The following RAP1GAP2 variants were observed in gnomAD, a reference collection of about 807,000 sequenced individuals.
RAP1GAP2 encodes rap1 GTPase-activating protein 2.
Under a neutral mutation model 95.0 loss-of-function variants are expected in RAP1GAP2, and 27 were observed. The ratio of observed to expected loss-of-function variants is 0.28; its 90% CI spans 0.21 to 0.39. RAP1GAP2 has a LOEUF of 0.39. Among genes scored for constraint, RAP1GAP2 ranks in the 10% least tolerant of loss-of-function variants. The pLI, the probability that RAP1GAP2 is intolerant of heterozygous loss-of-function variation, is 1.00. For synonymous variants in RAP1GAP2, 373 were observed against 380.9 expected (o/e 0.98, Z 0.24); for missense variants, 771 against 970.0 (o/e 0.79, Z 2.72).
At chr17:2,833,689 C>CAAAAAAA (rs112909808) in intron 2 of RAP1GAP2, among the ~76,000 whole-genome samples, 42 of 53,564 alleles carry the variant, frequency 7.8e-4, no homozygotes, top group East Asian at 1.3e-3. Flanking sequence ...GACTCCGTCT[C>CAAAAAAA]AAAAAAAAAA....
intron 1 of RAP1GAP2, among the ~76,000 whole-genome samples, chr17:2,758,793 CTGAA>C (rs572664933): frequency 1.2e-4 from 19 of 152,170 alleles, no homozygotes; most frequent in Non-Finnish European, 2.4e-4. Flanking sequence ...TATAGACTCA[CTGAA>C]CTGAAAAAAC....
At chr17:2,993,855 T>C (rs2045863678) in intron 12 of RAP1GAP2, among the ~76,000 whole-genome samples, 1 of 151,418 alleles carries the variant, frequency 6.6e-6, no homozygotes, top group African/African-American at 2.4e-5. Flanking sequence ...GGCAACATGG[T>C]GAGACCCTGT....
At chr17:2,994,331 T>G (rs2151574921) in intron 12 of RAP1GAP2, among the ~76,000 whole-genome samples, 1 of 152,324 alleles carries the variant, frequency 6.6e-6, no homozygotes, top group East Asian at 1.9e-4. Context: ...TTCATTTTCT[T>G]AAAGGAACCT....
intron 17 of RAP1GAP2, among the ~76,000 whole-genome samples, chr17:3,013,721 C>G (rs574551595): frequency 5.9e-4 from 73 of 123,146 alleles, no homozygotes; most frequent in Non-Finnish European, 9.6e-4. Context: ...ATTGTATTTT[C>G]AACCTGGACC....
chr17:2,944,192 CA>C (rs979456068), intron 3 of RAP1GAP2, among the ~76,000 whole-genome samples: 6 of 139,390 alleles, frequency 4.3e-5, no homozygotes, highest in Non-Finnish European at 6.2e-5. Context: ...AACCAAACCA[CA>C]AAAGATAACA....
chr17:3,028,008 G>A (rs1003227222), intron 22 of RAP1GAP2, among the ~76,000 whole-genome samples: 6 of 152,152 alleles, frequency 3.9e-5, no homozygotes, highest in African/African-American at 7.2e-5. Context: ...CGGGTGCTCC[G>A]GGTCTCTGCC....
intron 3 of RAP1GAP2, among the ~76,000 whole-genome samples, chr17:2,910,592 C>T (rs902916579): frequency 6.6e-6 from 1 of 152,138 alleles, no homozygotes; most frequent in Non-Finnish European, 1.5e-5. Flanking sequence ...GGTTGATTAG[C>T]TTGGGAGTCA....
intron 2 of RAP1GAP2, among the ~76,000 whole-genome samples, chr17:2,824,622 C>G (rs1567681688): frequency 6.6e-6 from 1 of 150,914 alleles, no homozygotes; most frequent in Non-Finnish European, 1.5e-5. Context: ...TGCCTGTAAT[C>G]CTAGCTACTC....
chr17:3,006,996 T>G (rs2046363893), intron 16 of RAP1GAP2, among the ~76,000 whole-genome samples: 1 of 152,112 alleles, frequency 6.6e-6, no homozygotes, highest in Non-Finnish European at 1.5e-5. Flanking sequence ...AGGAGGTGGC[T>G]CATGCACAGC....
chr17:2,954,887 C>T (rs568287105), intron 3 of RAP1GAP2, among the ~76,000 whole-genome samples: 62 of 152,296 alleles, frequency 4.1e-4, no homozygotes, highest in Non-Finnish European at 4.3e-4. Flanking sequence ...CCACCGTACC[C>T]GGCCCTATCT....
chr17:2,799,533 G>T (rs1490041974), intron 1 of RAP1GAP2, among the ~76,000 whole-genome samples: 1 of 152,162 alleles, frequency 6.6e-6, no homozygotes, highest in East Asian at 1.9e-4. Context: ...GCCAGAGAAG[G>T]GTGCCGGAAA....
chr17:2,925,779 G>A (rs894091812), intron 3 of RAP1GAP2, among the ~76,000 whole-genome samples: 4 of 152,142 alleles, frequency 2.6e-5, no homozygotes, highest in African/African-American at 9.7e-5. Flanking sequence ...GTCAGATCTG[G>A]GGAGCAGGAA....
chr17:2,969,195 C>A (rs1417565391), intron 8 of RAP1GAP2, among the ~76,000 whole-genome samples: 2 of 140,008 alleles, frequency 1.4e-5, no homozygotes, highest in African/African-American at 2.6e-5. Context: ...ATATATATAT[C>A]TGTTTCTGTA....
chr17:2,942,461 C>T (rs980123529), intron 3 of RAP1GAP2, among the ~76,000 whole-genome samples: 1 of 152,054 alleles, frequency 6.6e-6, no homozygotes, highest in Non-Finnish European at 1.5e-5. Flanking sequence ...TTGTGTCATC[C>T]ATGTACAAAA....
At chr17:2,798,924 C>T (rs567403480) in intron 1 of RAP1GAP2, among the ~76,000 whole-genome samples, 2 of 152,154 alleles carry the variant, frequency 1.3e-5, no homozygotes, top group East Asian at 3.8e-4. Flanking sequence ...CCAGGAGCCC[C>T]GGTTCCAGCG....
At position 2,963,941 on chromosome 17, in the gene RAP1GAP2, C is replaced by G; in HGVS notation, c.365C>G (p.Thr122Ser). 6.2e-7 allele frequency: 1 copy of G among 1,613,256 alleles called. No individual in the cohort carries two copies. Among genetic ancestry groups the G allele is most frequent in the Middle Eastern group, 1.7e-4 (1 of 6,058 alleles). ...YWIEDPENVG[T>S]PTSLGSSICE... is the part of the protein sequence containing the mutation. Reference sequence around the variant, plus strand: ...ATCGAGGACCCGGAGAACGTGGGCACCCCAACATCGCTGGGGAGCAGCATC... The same window carrying G: ...ATCGAGGACCCGGAGAACGTGGGCAGCCCAACATCGCTGGGGAGCAGCATC... Residue 122 changes from threonine (T) to serine (S), a missense_variant, in exon 7 of 25, where the codon ACC becomes AGC. By Grantham distance (58) the Thr-to-Ser change is moderately conservative (BLOSUM62 1). Coordinates refer to ENST00000254695, the MANE Select transcript of RAP1GAP2 (RefSeq NM_015085.5). The surrounding 1 kb of genome is among the most constrained non-coding windows in gnomAD (Gnocchi z 4.8).
At chr17:2,784,261 C>T (rs1158867960) in intron 1 of RAP1GAP2, among the ~76,000 whole-genome samples, 11 of 151,816 alleles carry the variant, frequency 7.2e-5, no homozygotes, top group Admixed American at 3.9e-4. Context: ...GCGTGAGCCA[C>T]CACGCCTGGC....
upstream of RAP1GAP2, among the ~76,000 whole-genome samples, chr17:2,774,240 CA>C (rs955675063): frequency 6.6e-6 from 1 of 152,144 alleles, no homozygotes; most frequent in African/African-American, 2.4e-5. Context: ...TTTGAGGCTG[CA>C]AGAGCTCAGG....
chr17:2,831,987 C>T (rs113777491), intron 2 of RAP1GAP2, among the ~76,000 whole-genome samples: 21 of 151,286 alleles, frequency 1.4e-4, no homozygotes, highest in African/African-American at 4.9e-4. Context: ...GGGCGGATCA[C>T]GAGGTTAGGA....
Sources: gnomAD v4.1 joint callset for allele counts (sites outside exome capture counted in the v4.1 genomes callset) on GRCh38, gnomAD v4.1.1 for gene constraint, Gnocchi (gnomAD v3.1) non-coding constraint, MANE v1.5 for transcripts, NCBI Gene and HGNC (gene_info 2026-07-23, HGNC 2026-07-21) for gene names.